Variants in NEUROD1 observed in about 807,000 individuals in gnomAD.
NEUROD1 encodes the protein neurogenic differentiation factor 1.
In NEUROD1, 9 loss-of-function variants were observed where a neutral mutation model predicts 21.8. That is an observed-to-expected ratio of 0.41 (90% CI 0.25 to 0.72). The LOEUF (loss-of-function observed/expected upper bound fraction) is 0.72. NEUROD1 is among the 30% of genes least tolerant of loss of function. The probability of loss-of-function intolerance (pLI) is 0.31; values close to 1 mark genes in which losing one functional copy is unlikely to be tolerated. For missense variants in NEUROD1, 434 were observed against 468.8 expected (o/e 0.93, Z 0.69); for synonymous variants, 199 against 186.2 (o/e 1.07, Z -0.56).
chr2:181,669,224 C>T (rs1688463326), downstream of NEUROD1, among the ~76,000 whole-genome samples: 1 of 152,068 alleles, frequency 6.6e-6, no homozygotes, highest in African/African-American at 2.4e-5. Flanking sequence ...TTGTGTGTGA[C>T]CAAAAACCCA....
downstream of NEUROD1, among the ~76,000 whole-genome samples, chr2:181,674,127 C>A (rs1036221091): frequency 1.3e-5 from 2 of 152,040 alleles, no homozygotes; most frequent in Non-Finnish European, 2.9e-5. Flanking sequence ...CAATATTTAG[C>A]CCAATTTCAT....
Position 181,678,131 on chromosome 2 carries a change from G to A in NEUROD1, c.730C>T (p.Pro244Ser), listed in dbSNP as rs1688621005. 3 of 1,614,086 alleles carry A rather than the reference G, an allele frequency of 1.9e-6. No individual in the cohort carries two copies. The change falls in exon 2 of 2, where the codon CCT becomes TCT. Residue 244 changes from proline to serine, a missense_variant. Transcript: ENST00000295108. The surrounding 1 kb of genome is among the most constrained non-coding windows in gnomAD (Gnocchi z 5.5). ...MDSSHVFHVK[P>S]PPHAYSAALE... ...GCTGCGCTGTAGGCGTGCGGCGGAG[G>A]CTTAACGTGGAAGACATGGGAGCTG...
chr2:181,671,542 CA>C (rs1688499096), downstream of NEUROD1, among the ~76,000 whole-genome samples: 1 of 151,914 alleles, frequency 6.6e-6, no homozygotes, highest in African/African-American at 2.4e-5. Flanking sequence ...GTGATCCTCC[CA>C]CCTGAGCCTC....
downstream of NEUROD1, chr2:181,673,407 G>C (rs1302636767): frequency 1.3e-5 from 2 of 152,226 alleles, no homozygotes; most frequent in African/African-American, 2.4e-5. Context: ...ATAATGCCTG[G>C]CCAGGAGCCA....
At chr2:181,675,488 G>T (rs752598595), downstream of NEUROD1, among the ~76,000 whole-genome samples, 6 of 152,140 alleles carry the variant, frequency 3.9e-5, no homozygotes, top group Non-Finnish European at 5.9e-5. Flanking sequence ...GGGAAGGGGG[G>T]TAGTCATCCA....
Position 181,678,274 on chromosome 2 carries a change from A to C in NEUROD1, c.587T>G (p.Leu196Arg). Residue 196 changes from leucine (L) to arginine (R), a missense_variant, in exon 2 of 2, where the codon CTG becomes CGG. Leu to Arg is a moderately radical substitution (Grantham distance 102, BLOSUM62 -2). Transcript: ENST00000295108. This position sits in a 1 kb window ranked among gnomAD's most constrained non-coding sequence, Gnocchi z 5.5. Reference sequence around the variant, plus strand: ...GGGCATGTCCTGGTTCTGCTCAGGCAGAAAAGTCCGAGGATTGAGTTGCAG... The same window carrying C: ...GGGCATGTCCTGGTTCTGCTCAGGCCGAAAAGTCCGAGGATTGAGTTGCAG... ...GCLQLNPRTF[L>R]PEQNQDMPPH... 6.2e-7 allele frequency: 1 copy of C among 1,614,160 alleles called. No individual in the cohort carries two copies. The highest frequency in any genetic ancestry group is 8.5e-7 in the Non-Finnish European group (1 of 1,180,032).
At position 181,678,176 on chromosome 2, in the gene NEUROD1, G is replaced by A. The variant is rs1469667676; in HGVS notation, c.685C>T (p.Pro229Ser). The A allele has an allele frequency of 6.2e-7, 1 of 1,614,168 alleles. No homozygotes were observed. Among genetic ancestry groups the A allele is most frequent in the East Asian group, 2.2e-5 (1 of 44,872 alleles). ...GAGCTGTCCATGGTACCGTAAGGCG[G>A]ACTGGGCAGCCCAGGCGACTGGTAG... Reference protein sequence around the residue: ...YSYQSPGLPSPPYGTMDSSHV... With the variant: ...YSYQSPGLPSSPYGTMDSSHV... The change falls in exon 2 of 2, where the codon CCG becomes TCG. Residue 229 changes from proline to serine, a missense_variant. Transcript: ENST00000295108. The surrounding 1 kb of genome is among the most constrained non-coding windows in gnomAD (Gnocchi z 5.5).
rs201829057 is a variant in NEUROD1 at position 181,678,196 on chromosome 2, T to A, written c.665A>T (p.Gln222Leu). 5.8e-5 allele frequency: 94 copies of A among 1,613,922 alleles called. 1 individual carries two copies. The highest frequency in any genetic ancestry group is 3.8e-4 in the Admixed American group (23 of 59,990). Residue 222 changes from glutamine (Q) to leucine (L), a missense_variant, in exon 2 of 2, where the codon CAG becomes CTG. By Grantham distance (113) the Gln-to-Leu change is moderately radical. Coordinates refer to ENST00000295108, the MANE Select transcript of NEUROD1 (RefSeq NM_002500.5). This position sits in a 1 kb window ranked among gnomAD's most constrained non-coding sequence, Gnocchi z 5.5. ...AGGCGGACTGGGCAGCCCAGGCGAC[T>A]GGTAGGAGTAGGGGTGTACAGGGAA... ...ASFPVHPYSY[Q>L]SPGLPSPPYG...
chr2:181,678,123 C>T lies in NEUROD1; in HGVS notation c.738G>A (p.Pro246=), dbSNP rs115207271. 7.3e-5 allele frequency: 118 copies of T among 1,614,128 alleles called. 1 individual carries two copies. In the African/African-American group the frequency reaches 1.1e-3, roughly 15 times the overall value. Residue 246 remains proline (P), a synonymous_variant, in exon 2 of 2, where the codon CCG becomes CCA. Coordinates refer to ENST00000295108, the MANE Select transcript of NEUROD1 (RefSeq NM_002500.5). The surrounding 1 kb of genome is among the most constrained non-coding windows in gnomAD (Gnocchi z 5.5). ...SSHVFHVKPP[P]HAYSAALEPF... Reference sequence around the variant, plus strand: ...GCTCCAGCGCTGCGCTGTAGGCGTGCGGCGGAGGCTTAACGTGGAAGACAT... The same window carrying T: ...GCTCCAGCGCTGCGCTGTAGGCGTGTGGCGGAGGCTTAACGTGGAAGACAT...
At chr2:181,674,099 T>C (rs1344321708), downstream of NEUROD1, among the ~76,000 whole-genome samples, 1 of 152,204 alleles carries the variant, frequency 6.6e-6, no homozygotes, top group African/African-American at 2.4e-5. Context: ...TCCTATTCAA[T>C]AGTAATTATG....
At position 181,677,758 on chromosome 2, in the gene NEUROD1, C is replaced by A. The variant is rs979649561; in HGVS notation, c.*32G>T. The A allele has an allele frequency of 1.2e-6, 2 of 1,613,796 alleles. No individual in the cohort carries two copies. Among genetic ancestry groups the A allele is most frequent in the Non-Finnish European group, 1.7e-6 (2 of 1,180,032 alleles). ...ACAGTCACTGTAAGCACAGTGGGTT[C>A]GTTTCCCGGAAATGGTGAAACTGGC... On this transcript the variant is annotated 3_prime_UTR_variant, in exon 2 of 2. Coordinates refer to ENST00000295108, the MANE Select transcript of NEUROD1 (RefSeq NM_002500.5).
Position 181,678,211 on chromosome 2 carries a change from T to C in NEUROD1, c.650A>G (p.His217Arg), listed in dbSNP as rs1170652487. The part of the protein sequence containing the change: ...LPTASASFPV[H>R]PYSYQSPGLP... ...CCCAGGCGACTGGTAGGAGTAGGGGTGTACAGGGAAGGAAGCGCTGGCCGT... is the reference window on the plus strand; with the variant it reads ...CCCAGGCGACTGGTAGGAGTAGGGGCGTACAGGGAAGGAAGCGCTGGCCGT... The change falls in exon 2 of 2, where the codon CAC becomes CGC. Residue 217 changes from histidine to arginine, a missense_variant. Transcript: ENST00000295108. The surrounding 1 kb of genome is among the most constrained non-coding windows in gnomAD (Gnocchi z 5.5). The C allele has an allele frequency of 1.2e-6, 2 of 1,613,214 alleles. No individual in the cohort carries two copies. Among genetic ancestry groups the C allele is most frequent in the Admixed American group, 3.3e-5 (2 of 59,906 alleles).
chr2:181,670,533 T>C (rs978837871), exon 2 of NEUROD1, among the ~76,000 whole-genome samples: 1 of 152,192 alleles, frequency 6.6e-6, no homozygotes, highest in African/African-American at 2.4e-5. Context: ...CCTATCAGTT[T>C]CCTAGGGCTG....
downstream of NEUROD1, among the ~76,000 whole-genome samples, chr2:181,669,826 T>G (rs1267302372): frequency 6.6e-6 from 1 of 152,078 alleles, no homozygotes; most frequent in African/African-American, 2.4e-5. Flanking sequence ...ATGAAATACA[T>G]TCAGATGAAA....
rs1248746532 is a variant in NEUROD1 at position 181,676,565 on chromosome 2, C to G, written c.*1225G>C. On this transcript the variant is annotated 3_prime_UTR_variant, in exon 2 of 2. Coordinates refer to ENST00000295108, the MANE Select transcript of NEUROD1 (RefSeq NM_002500.5). ...TTACAAACAAAATTACAGTACAGAT[C>G]GATTCCAGTGGTACCAGCATCACAT... The G allele has an allele frequency of 6.6e-6, 1 of 152,588 alleles. No individual in the cohort carries two copies. Among genetic ancestry groups the G allele is most frequent in the African/African-American group, 2.4e-5 (1 of 41,444 alleles). The allele number at this position is 152,588 out of a possible 1,614,324, so 9.5% of individuals were successfully genotyped here.
At chr2:181,674,466 G>T (rs1376057736), downstream of NEUROD1, among the ~76,000 whole-genome samples, 2 of 151,998 alleles carry the variant, frequency 1.3e-5, no homozygotes, top group Non-Finnish European at 2.9e-5. Flanking sequence ...AATATGGGTA[G>T]GAATTCATAA....
chr2:181,675,650 GT>G (rs59018409), downstream of NEUROD1, among the ~76,000 whole-genome samples: 37,948 of 145,032 alleles, frequency 0.26, 6,510 homozygotes, highest in African/African-American at 0.51. Context: ...ATGCCAAACT[GT>G]TTTTTTTTTT....
Position 181,677,739 on chromosome 2 carries a change from A to G in NEUROD1, c.*51T>C. The G allele has an allele frequency of 3.1e-6, 5 of 1,613,546 alleles. No homozygotes were observed. The highest frequency in any genetic ancestry group is 4.2e-6 in the Non-Finnish European group (5 of 1,180,022). On this transcript the variant is annotated 3_prime_UTR_variant, in exon 2 of 2. Coordinates refer to ENST00000295108, the MANE Select transcript of NEUROD1 (RefSeq NM_002500.5). ...GCTGCCTTTTGTAAACACGACAGTC[A>G]CTGTAAGCACAGTGGGTTCGTTTCC...
chr2:181,678,396 C>T lies in NEUROD1; in HGVS notation c.465G>A (p.Glu155=), dbSNP rs764539034. The change falls in exon 2 of 2, where the codon GAG becomes GAA. Residue 155 remains glutamate (E), a synonymous_variant. Coordinates refer to ENST00000295108, the MANE Select transcript of NEUROD1 (RefSeq NM_002500.5). This position sits in a 1 kb window ranked among gnomAD's most constrained non-coding sequence, Gnocchi z 5.5. ...CTGGGCTTTTGCCTGAGCGCAGGAT[C>T]TCCGACAGAGCCCAGATGTAGTTCT... The part of the protein sequence containing the change: ...LAKNYIWALS[E]ILRSGKSPDL... 1 of 1,614,212 alleles carries T rather than the reference C, an allele frequency of 6.2e-7. No individual in the cohort carries two copies. The highest frequency in any genetic ancestry group is 8.5e-7 in the Non-Finnish European group (1 of 1,180,042).
Sources: gnomAD v4.1 joint callset for allele counts (sites outside exome capture counted in the v4.1 genomes callset) on GRCh38, gnomAD v4.1.1 for gene constraint, Gnocchi (gnomAD v3.1) non-coding constraint, MANE v1.5 for transcripts, NCBI Gene and HGNC (gene_info 2026-07-23, HGNC 2026-07-21) for gene names.